ADORA2B: variants seen among roughly 807,000 people sequenced by gnomAD.
ADORA2B encodes the protein adenosine receptor A2b.
Under a neutral mutation model 20.8 loss-of-function variants are expected in ADORA2B, and 18 were observed. The observed-to-expected ratio is 0.87, with a 90% confidence interval of 0.60 to 1.29. The LOEUF is 1.29. Ranked by LOEUF, ADORA2B falls within the 50% of genes most tolerant of loss-of-function variation. ADORA2B has a pLI of 0.00. For synonymous variants in ADORA2B, 179 were observed against 178.3 expected (o/e 1.00, Z -0.03); for missense variants, 441 against 422.7 (o/e 1.04, Z -0.38).
At chr17:15,874,949 G>A in the ADORA2B span, among the ~76,000 whole-genome samples, 46 of 152,158 alleles carry the variant, frequency 3.0e-4, no homozygotes, top group African/African-American at 9.4e-4. Flanking sequence ...ATTTGATCTT[G>A]TTCAGCCTAA....
chr17:15,880,767 T>A, the ADORA2B span, among the ~76,000 whole-genome samples: 1 of 152,150 alleles, frequency 6.6e-6, no homozygotes, highest in African/African-American at 2.4e-5. Flanking sequence ...AGCTGACGCT[T>A]CTGCAACACT....
At chr17:15,959,811 A>T (rs1258426020) in intron 1 of ADORA2B, among the ~76,000 whole-genome samples, 1 of 152,108 alleles carries the variant, frequency 6.6e-6, no homozygotes, top group Non-Finnish European at 1.5e-5. Context: ...ACATTTAGAA[A>T]TTGTAATAGG....
At chr17:15,945,680 CG>C in intron 1 of ADORA2B, 97 bp downstream of exon 1, 1 of 1,237,686 alleles carries the variant, frequency 8.1e-7, no homozygotes, top group Non-Finnish European at 1.1e-6. Context: ...GGGCCCCAGA[CG>C]GGCCAGGCTG....
At chr17:15,923,200 TTTTTAA>T in the ADORA2B span, among the ~76,000 whole-genome samples, 1,082 of 136,114 alleles carry the variant, frequency 7.9e-3, 23 homozygotes, top group Admixed American at 0.029. Context: ...TTTCTTTCTT[TTTTTAA>T]TTTTTTTTTT....
At chr17:15,973,477 C>A (rs982386447) in intron 1 of ADORA2B, among the ~76,000 whole-genome samples, 3 of 152,196 alleles carry the variant, frequency 2.0e-5, no homozygotes, top group Admixed American at 6.6e-5. Flanking sequence ...CCCTGGGCTG[C>A]AGACTAGTAC....
chr17:15,919,093 C>G, the ADORA2B span, among the ~76,000 whole-genome samples: 3 of 152,144 alleles, frequency 2.0e-5, no homozygotes, highest in Non-Finnish European at 4.4e-5. Flanking sequence ...TGCTGGCAGC[C>G]CTAAGCAGAT....
At chr17:15,920,845 G>A in the ADORA2B span, among the ~76,000 whole-genome samples, 2 of 152,166 alleles carry the variant, frequency 1.3e-5, no homozygotes, top group Admixed American at 1.3e-4. Context: ...TGGAGGCTGC[G>A]AGCCCAGCTG....
the ADORA2B span, among the ~76,000 whole-genome samples, chr17:15,881,798 G>A: frequency 6.6e-6 from 1 of 152,168 alleles, no homozygotes; most frequent in Admixed American, 6.6e-5. Flanking sequence ...TCTCTCCGTA[G>A]CCCCTACCCC....
At chr17:15,852,489 A>T in the ADORA2B span, among the ~76,000 whole-genome samples, 1 of 152,292 alleles carries the variant, frequency 6.6e-6, no homozygotes, top group African/African-American at 2.4e-5. Flanking sequence ...TGTCATAGTC[A>T]ATTTAAAAAA....
the ADORA2B span, among the ~76,000 whole-genome samples, chr17:15,856,859 A>G: frequency 6.6e-6 from 1 of 152,246 alleles, no homozygotes; most frequent in Non-Finnish European, 1.5e-5. Context: ...TGACAGTACA[A>G]TAGAAATGAA....
At chr17:15,890,810 A>G in the ADORA2B span, among the ~76,000 whole-genome samples, 1 of 152,098 alleles carries the variant, frequency 6.6e-6, no homozygotes, top group Non-Finnish European at 1.5e-5. Flanking sequence ...AGCCCATTTT[A>G]TGGAATGGGG....
the ADORA2B span, among the ~76,000 whole-genome samples, chr17:15,900,960 T>A: frequency 6.6e-6 from 1 of 152,076 alleles, no homozygotes; most frequent in African/African-American, 2.4e-5. Context: ...GTAAAAACAG[T>A]CAGAACGTGT....
chr17:15,876,896 C>G, the ADORA2B span, among the ~76,000 whole-genome samples: 63 of 152,252 alleles, frequency 4.1e-4, no homozygotes, highest in Non-Finnish European at 7.6e-4. Flanking sequence ...AAACTGTTAC[C>G]CATTAAATAC....
the ADORA2B span, among the ~76,000 whole-genome samples, chr17:15,907,949 C>T: frequency 3.9e-5 from 6 of 152,296 alleles, no homozygotes; most frequent in South Asian, 6.2e-4. Context: ...CACAGCAGCA[C>T]GGGGACCCGG....
At chr17:15,936,695 C>A in the ADORA2B span, among the ~76,000 whole-genome samples, 1 of 152,172 alleles carries the variant, frequency 6.6e-6, no homozygotes, top group Non-Finnish European at 1.5e-5. Flanking sequence ...GTGGCTCATG[C>A]CTGTAATTTC....
At chr17:15,892,654 CTTT>C in the ADORA2B span, among the ~76,000 whole-genome samples, 5 of 122,092 alleles carry the variant, frequency 4.1e-5, no homozygotes, top group Admixed American at 8.1e-5. Flanking sequence ...TTCTTTCTTT[CTTT>C]TTTTTTTTTT....
At chr17:15,880,296 T>A in the ADORA2B span, among the ~76,000 whole-genome samples, 2 of 134,914 alleles carry the variant, frequency 1.5e-5, no homozygotes, top group African/African-American at 2.8e-5. Context: ...TAGCCCTATC[T>A]TCTTGGTGGT....
At chr17:15,921,164 G>T in the ADORA2B span, among the ~76,000 whole-genome samples, 1 of 141,510 alleles carries the variant, frequency 7.1e-6, no homozygotes, top group Non-Finnish European at 1.5e-5. Flanking sequence ...ATAGACAATG[G>T]AAACCTGTTT....
the ADORA2B span, among the ~76,000 whole-genome samples, chr17:15,911,311 A>G: frequency 6.6e-6 from 1 of 152,156 alleles, no homozygotes; most frequent in African/African-American, 2.4e-5. Flanking sequence ...GCCTGCTATT[A>G]AAGTGGGGGA....
Sources: allele counts gnomAD v4.1 joint callset (sites outside exome capture counted in the v4.1 genomes callset), GRCh38; gene constraint gnomAD v4.1.1; transcripts MANE v1.5; gene names NCBI Gene and HGNC (gene_info 2026-07-23, HGNC 2026-07-21).